Variants in MARK1 observed in about 807,000 individuals in gnomAD.
MARK1 encodes the protein serine/threonine-protein kinase MARK1.
In MARK1, 40 loss-of-function variants were observed where a neutral mutation model predicts 96.3. The ratio of observed to expected loss-of-function variants is 0.42; its 90% CI spans 0.32 to 0.54. The LOEUF (loss-of-function observed/expected upper bound fraction) is 0.54. MARK1 is among the 20% of genes least tolerant of loss of function. The pLI, the probability that MARK1 is intolerant of heterozygous loss-of-function variation, is 0.16. For synonymous variants in MARK1, 317 were observed against 341.2 expected, an observed-to-expected ratio of 0.93 and a Z score of 0.78; for missense variants, 719 against 984.6, an observed-to-expected ratio of 0.73 and a Z score of 3.61.
chr1:220,624,109 C>G (rs1229223905), intron 9 of MARK1, among the ~76,000 whole-genome samples: 1 of 151,814 alleles, frequency 6.6e-6, no homozygotes, highest in African/African-American at 2.4e-5. Context: ...ACCAGCCTGG[C>G]CAACATGATG....
intron 1 of MARK1, among the ~76,000 whole-genome samples, chr1:220,577,868 C>T (rs1663978206): frequency 1.3e-5 from 2 of 152,066 alleles, no homozygotes; most frequent in African/African-American, 4.8e-5. Context: ...GCGAGAATAC[C>T]CCAAAGCGCA....
chr1:220,585,832 C>T (rs1664561361), intron 3 of MARK1, among the ~76,000 whole-genome samples: 1 of 152,142 alleles, frequency 6.6e-6, no homozygotes, highest in Non-Finnish European at 1.5e-5. Context: ...CCCAGTCAAT[C>T]TATGATTGTG....
intron 1 of MARK1, among the ~76,000 whole-genome samples, chr1:220,546,613 T>G (rs1276694712): frequency 6.6e-6 from 1 of 152,248 alleles, no homozygotes; most frequent in Admixed American, 6.5e-5. Flanking sequence ...TACCACCTCT[T>G]CAGTTTCTTA....
intron 1 of MARK1, among the ~76,000 whole-genome samples, chr1:220,562,166 T>C (rs986585834): frequency 1.3e-5 from 2 of 152,140 alleles, no homozygotes; most frequent in Non-Finnish European, 2.9e-5. Flanking sequence ...ATGATACTAT[T>C]ACTATTAACA....
At chr1:220,627,398 G>T in intron 9 of MARK1, 1 of 481,178 alleles carries the variant, frequency 2.1e-6, no homozygotes, top group Non-Finnish European at 4.3e-6. Context: ...GAAAACCAAG[G>T]AGGAGAAGCC....
intron 1 of MARK1, among the ~76,000 whole-genome samples, chr1:220,538,244 T>A (rs900934810): frequency 5.9e-5 from 9 of 152,284 alleles, no homozygotes; most frequent in Admixed American, 5.9e-4. Context: ...CATCTTGAAT[T>A]CATTTTAGTA....
intron 6 of MARK1, among the ~76,000 whole-genome samples, chr1:220,612,546 CTA>C (rs1491410681): frequency 4.6e-5 from 7 of 151,892 alleles, no homozygotes; most frequent in Non-Finnish European, 1.0e-4. Flanking sequence ...TTTCCCAAAA[CTA>C]AAAAAGTTAC....
chr1:220,646,081 A>G (rs1668561080), intron 13 of MARK1, among the ~76,000 whole-genome samples: 2 of 152,342 alleles, frequency 1.3e-5, no homozygotes, highest in South Asian at 2.1e-4. Context: ...AGAGAAGGAA[A>G]TAAAGGGCAT....
In MARK1 at chr1:220,650,650, A is replaced by C. The variant is rs1668822759; in HGVS notation, c.1501A>C (p.Arg501=). The C allele has an allele frequency of 6.2e-7, 1 of 1,612,300 alleles. No individual in the cohort carries two copies. The highest frequency in any genetic ancestry group is 1.7e-5 in the Admixed American group (1 of 59,952). Residue 501 remains arginine, a synonymous_variant, in exon 14 of 18, where the codon AGA becomes CGA. Coordinates refer to ENST00000366917, the MANE Select transcript of MARK1 (RefSeq NM_018650.5). Reference sequence around the variant, plus strand: ...TGTGTATTCTGGAGGTAGCATGGCAAGAAGGAATACATATGTCTGTGAAAG... The same window carrying C: ...TGTGTATTCTGGAGGTAGCATGGCACGAAGGAATACATATGTCTGTGAAAG... The part of the protein sequence containing the change: ...NNVYSGGSMA[R]RNTYVCERTT...
chr1:220,652,996 T>G lies in MARK1; in HGVS notation c.1737-105T>G, dbSNP rs908533703. The G allele has an allele frequency of 4.6e-6, 6 of 1,308,464 alleles. No individual in the cohort carries two copies. The African/African-American group carries it at 7.3e-5, about 16-fold the overall frequency. 81.1% of individuals were successfully genotyped at this position (1,308,464 alleles called of 1,614,324 possible). A position where few individuals can be genotyped will look rare whatever the true frequency, so the allele number is the denominator to read the frequency against. On this transcript the variant is annotated intron_variant, in intron 15 of 17. Transcript: ENST00000366917. ...ACATCTCTAATGTGAACAAATAAAG[T>G]AGGGCCAAAAGAAGTAGCCATAGCT...
intron 1 of MARK1, among the ~76,000 whole-genome samples, chr1:220,568,996 A>G (rs1044213853): frequency 5.3e-5 from 8 of 152,156 alleles, no homozygotes; most frequent in African/African-American, 1.7e-4. Context: ...TATACATAGA[A>G]TTTGTGTCAA....
intron 3 of MARK1, among the ~76,000 whole-genome samples, chr1:220,583,130 A>G (rs1664354379): frequency 6.6e-6 from 1 of 152,230 alleles, no homozygotes; most frequent in African/African-American, 2.4e-5. Flanking sequence ...ATTGAAAAAG[A>G]CAGTAAAATT....
chr1:220,585,130 G>T (rs987880619), intron 3 of MARK1, among the ~76,000 whole-genome samples: 1 of 152,172 alleles, frequency 6.6e-6, no homozygotes, highest in Admixed American at 6.5e-5. Flanking sequence ...TAAAGGTGGG[G>T]ATATTCTGCA....
At chr1:220,529,829 T>G (rs1228185273) in intron 1 of MARK1, among the ~76,000 whole-genome samples, 2 of 152,230 alleles carry the variant, frequency 1.3e-5, no homozygotes, top group Admixed American at 1.3e-4. Context: ...TGTTTTTGTT[T>G]TTGTTTAAAA....
Position 220,650,601 on chromosome 1 carries a change from C to T in MARK1, c.1471-19C>T. The T allele has an allele frequency of 1.3e-6, 2 of 1,502,624 alleles. No homozygotes were observed. The highest frequency in any genetic ancestry group is 1.8e-6 in the Non-Finnish European group (2 of 1,088,866). 93.1% of individuals were successfully genotyped at this position (1,502,624 alleles called of 1,614,324 possible). ...AATATATTTATAATTTTTTAATTGCCTTTTTTTTATTCTTGAAGAACAATG... is the reference window on the plus strand; with the variant it reads ...AATATATTTATAATTTTTTAATTGCTTTTTTTTTATTCTTGAAGAACAATG... On this transcript the variant is annotated intron_variant, in intron 13 of 17. Coordinates refer to ENST00000366917, the MANE Select transcript of MARK1 (RefSeq NM_018650.5).
intron 1 of MARK1, among the ~76,000 whole-genome samples, chr1:220,571,185 G>C (rs1663425603): frequency 6.6e-6 from 1 of 152,136 alleles, no homozygotes; most frequent in African/African-American, 2.4e-5. Context: ...TTTAAGTTGA[G>C]TATTTAACAA....
At chr1:220,549,931 G>A (rs1158734675) in intron 1 of MARK1, among the ~76,000 whole-genome samples, 1 of 152,216 alleles carries the variant, frequency 6.6e-6, no homozygotes, top group Non-Finnish European at 1.5e-5. Context: ...TATCAAAGAA[G>A]CAAGGAATCA....
intron 1 of MARK1, among the ~76,000 whole-genome samples, chr1:220,541,991 T>C (rs1420028634): frequency 1.3e-5 from 2 of 152,342 alleles, no homozygotes; most frequent in South Asian, 2.1e-4. Context: ...ATGTGTTTCA[T>C]TGATTTTTTT....
intron 1 of MARK1, among the ~76,000 whole-genome samples, chr1:220,570,698 C>G (rs568832622): frequency 9.3e-4 from 142 of 152,168 alleles, no homozygotes; most frequent in Non-Finnish European, 1.7e-3. Context: ...TTCCTTGGAT[C>G]TCTATTAATA....
Sources: allele counts gnomAD v4.1 joint callset (sites outside exome capture counted in the v4.1 genomes callset), GRCh38; gene constraint gnomAD v4.1.1; transcripts MANE v1.5; gene names NCBI Gene and HGNC (gene_info 2026-07-23, HGNC 2026-07-21).